Variants in CDKAL1 observed in about 807,000 individuals in gnomAD.
CDKAL1 encodes the protein CDKAL1 threonylcarbamoyladenosine tRNA methylthiotransferase, also known as threonylcarbamoyladenosine tRNA methylthiotransferase.
CDKAL1 carries 32 observed loss-of-function variants against 68.2 expected under a neutral mutation model. The observed-to-expected ratio is 0.47, with a 90% CI of 0.35 to 0.63. The LOEUF is 0.63. Ranked by LOEUF, CDKAL1 falls within the 30% of genes least tolerant of loss-of-function variation. The probability of loss-of-function intolerance (pLI) is 0.00; values close to 1 mark genes in which losing one functional copy is unlikely to be tolerated. For missense variants in CDKAL1, 606 were observed against 696.7 expected, an observed-to-expected ratio of 0.87 and a Z score of 1.47; for synonymous variants, 234 against 244.3, an observed-to-expected ratio of 0.96 and a Z score of 0.39.
chr6:21,119,245 A>G (rs1053181624), intron 13 of CDKAL1, among the ~76,000 whole-genome samples: 2 of 152,286 alleles, frequency 1.3e-5, no homozygotes, highest in East Asian at 3.9e-4. Context: ...GAGGGTTGTC[A>G]TAAGGATTCA....
intron 13 of CDKAL1, among the ~76,000 whole-genome samples, chr6:21,173,628 G>T (rs1007743395): frequency 1.3e-5 from 2 of 152,112 alleles, no homozygotes; most frequent in Non-Finnish European, 2.9e-5. Context: ...TAGGTAGTGG[G>T]GCTATAACTG....
At chr6:20,558,593 G>A in intron 4 of CDKAL1, 1 of 456,476 alleles carries the variant, frequency 2.2e-6, no homozygotes, top group Non-Finnish European at 4.4e-6. Flanking sequence ...GGCTAGCCTG[G>A]GCCAGGAAAA....
rs1264004055 is a variant in CDKAL1, at chr6:20,756,924, C to CTT, written c.469-1671_469-1670insTT. Among the ~76,000 whole-genome samples, 613 of 119,974 alleles carry CTT rather than the reference C, an allele frequency of 5.1e-3. 37 individuals are homozygous for CTT. The highest frequency in any genetic ancestry group is 0.028 in the East Asian group (84 of 2,974). 78.7% of individuals were successfully genotyped at this position (119,974 alleles called of 152,430 possible). A position where few individuals can be genotyped will look rare whatever the true frequency, so the allele number is the denominator to read the frequency against. ...CCTTCCTTCCTTCCTTCCTTCCTTC[C>CTT]CTCCTTCCCTTCCTTCCCTCCTTCC... On this transcript the variant is annotated intron_variant, in intron 6 of 15. Coordinates refer to ENST00000274695, the MANE Select transcript of CDKAL1 (RefSeq NM_017774.3).
intron 11 of CDKAL1, among the ~76,000 whole-genome samples, chr6:21,021,019 G>A (rs947157347): frequency 2.0e-5 from 3 of 152,038 alleles, no homozygotes; most frequent in Admixed American, 6.6e-5. Flanking sequence ...CTGAAGTGAG[G>A]TACTGTCAGG....
chr6:20,948,099 C>T (rs1369707462), intron 9 of CDKAL1, among the ~76,000 whole-genome samples: 1 of 149,554 alleles, frequency 6.7e-6, no homozygotes, highest in African/African-American at 2.5e-5. Context: ...CTCACTGTAA[C>T]CTCAACTCCT....
At chr6:20,578,918 A>C (rs1456924341) in intron 4 of CDKAL1, among the ~76,000 whole-genome samples, 1 of 152,218 alleles carries the variant, frequency 6.6e-6, no homozygotes, top group Non-Finnish European at 1.5e-5. Context: ...GGACAATGGA[A>C]GAGAGTTACT....
At chr6:20,811,046 A>T (rs116069465) in intron 8 of CDKAL1, among the ~76,000 whole-genome samples, 3 of 152,190 alleles carry the variant, frequency 2.0e-5, no homozygotes, top group African/African-American at 7.2e-5. Context: ...AGCAGGAGAC[A>T]TAGCAGGTAC....
chr6:20,643,751 G>C (rs1246079230), intron 4 of CDKAL1, among the ~76,000 whole-genome samples: 1 of 152,152 alleles, frequency 6.6e-6, no homozygotes, highest in African/African-American at 2.4e-5. Context: ...TTATCTTTTT[G>C]TTAACAATAT....
At chr6:20,721,514 A>G (rs956261653) in intron 5 of CDKAL1, among the ~76,000 whole-genome samples, 2 of 152,168 alleles carry the variant, frequency 1.3e-5, no homozygotes, top group African/African-American at 4.8e-5. Flanking sequence ...AATTAGTGCT[A>G]CAATAAATAT....
chr6:20,732,964 A>C (rs1773025355), intron 5 of CDKAL1, among the ~76,000 whole-genome samples: 1 of 152,196 alleles, frequency 6.6e-6, no homozygotes, highest in Admixed American at 6.5e-5. Flanking sequence ...CATTTAAACT[A>C]ATCTTTCACA....
intron 5 of CDKAL1, among the ~76,000 whole-genome samples, chr6:20,707,139 A>G (rs1025787637): frequency 1.3e-5 from 2 of 152,230 alleles, no homozygotes; most frequent in African/African-American, 2.4e-5. Flanking sequence ...ACAACATTAT[A>G]CAATGATGGA....
intron 4 of CDKAL1, among the ~76,000 whole-genome samples, chr6:20,600,678 A>G (rs1766042653): frequency 6.6e-6 from 1 of 150,902 alleles, no homozygotes; most frequent in African/African-American, 2.4e-5. Context: ...AATACTCAAG[A>G]TATGATACTT....
intron 13 of CDKAL1, among the ~76,000 whole-genome samples, chr6:21,133,577 G>A (rs1775434253): frequency 6.6e-6 from 1 of 152,156 alleles, no homozygotes; most frequent in African/African-American, 2.4e-5. Context: ...TTTGATTGAT[G>A]GTTCTGGTTC....
At chr6:20,594,672 C>T (rs952456328) in intron 4 of CDKAL1, among the ~76,000 whole-genome samples, 1 of 152,142 alleles carries the variant, frequency 6.6e-6, no homozygotes, top group Non-Finnish European at 1.5e-5. Context: ...GCATTTAGCC[C>T]ATTTACATTT....
At chr6:21,161,877 A>G (rs1776942896) in intron 13 of CDKAL1, among the ~76,000 whole-genome samples, 1 of 152,224 alleles carries the variant, frequency 6.6e-6, no homozygotes, top group Non-Finnish European at 1.5e-5. Context: ...TAAAAGCTGC[A>G]TTTAGAAAGA....
chr6:20,620,437 T>A (rs140682811), intron 4 of CDKAL1, among the ~76,000 whole-genome samples: 137 of 152,310 alleles, frequency 9.0e-4, no homozygotes, highest in African/African-American at 2.8e-3. Context: ...ATATCATCTT[T>A]AATCTTCACA....
chr6:20,835,693 G>C (rs759344078), intron 8 of CDKAL1, among the ~76,000 whole-genome samples: 1 of 151,942 alleles, frequency 6.6e-6, no homozygotes, highest in Non-Finnish European at 1.5e-5. Context: ...GATTACAGGC[G>C]TGCGCCACCA....
chr6:20,772,969 G>C (rs1177861783), intron 7 of CDKAL1: 2 of 152,216 alleles, frequency 1.3e-5, no homozygotes, highest in East Asian at 3.9e-4. Context: ...TTTGAGTTCT[G>C]TCTTTTTGGA....
At chr6:20,768,701 A>C (rs1774806298) in intron 7 of CDKAL1, among the ~76,000 whole-genome samples, 4 of 152,226 alleles carry the variant, frequency 2.6e-5, no homozygotes, top group Admixed American at 2.6e-4. Context: ...TGCCTCTTTG[A>C]AGGAGCTTTC....
Sources: allele counts gnomAD v4.1 joint callset (sites outside exome capture counted in the v4.1 genomes callset), GRCh38; gene constraint gnomAD v4.1.1; transcripts MANE v1.5; gene names NCBI Gene and HGNC (gene_info 2026-07-23, HGNC 2026-07-21).